TIAM1: variants seen among roughly 807,000 people sequenced by gnomAD.
The protein encoded by TIAM1 is TIAM Rac1 associated GEF 1, also known as rho guanine nucleotide exchange factor TIAM1.
TIAM1 carries 65 observed loss-of-function variants against 163.5 expected under a neutral mutation model. That is an observed-to-expected ratio of 0.40 (90% CI 0.33 to 0.49). The LOEUF (loss-of-function observed/expected upper bound fraction) is 0.49, where lower values mean the gene tolerates loss of function less well. TIAM1 is among the 20% of genes least tolerant of loss of function. TIAM1 has a pLI of 0.77. For synonymous variants in TIAM1, 833 were observed against 810.1 expected (o/e 1.03, Z -0.48); for missense variants, 1,789 against 2,044.7 (o/e 0.87, Z 2.41).
intron 2 of TIAM1, among the ~76,000 whole-genome samples, chr21:31,328,545 T>A (rs2075570078): frequency 6.7e-6 from 1 of 148,152 alleles, no homozygotes. Context: ...TTATTATTAT[T>A]TTTTTTTTTT....
At chr21:31,246,543 C>G (rs188338633) in intron 5 of TIAM1, among the ~76,000 whole-genome samples, 1 of 151,088 alleles carries the variant, frequency 6.6e-6, no homozygotes, top group East Asian at 2.0e-4. Flanking sequence ...ATAAGCTGTC[C>G]GTCCATTTTC....
chr21:31,532,931 G>A (rs902582751), intron 1 of TIAM1, among the ~76,000 whole-genome samples: 4 of 152,176 alleles, frequency 2.6e-5, no homozygotes, highest in Admixed American at 2.6e-4. Context: ...GGGCAACAAA[G>A]AGAAAAAAAT....
chr21:31,226,250 CT>C (rs1444701168), intron 6 of TIAM1, among the ~76,000 whole-genome samples: 1 of 152,200 alleles, frequency 6.6e-6, no homozygotes, highest in Non-Finnish European at 1.5e-5. Flanking sequence ...TAACACACAA[CT>C]TGGTGTCTAC....
chr21:31,220,635 TTTAC>T (rs1265165988), intron 8 of TIAM1, among the ~76,000 whole-genome samples: 1 of 152,234 alleles, frequency 6.6e-6, no homozygotes, highest in African/African-American at 2.4e-5. Flanking sequence ...TAACAAACAC[TTTAC>T]TTAAGTTTCT....
Position 31,164,989 on chromosome 21 carries a change from G to A in TIAM1, c.2964C>T (p.Ser988=), listed in dbSNP as rs1451362641. 1.9e-6 allele frequency: 3 copies of A among 1,614,026 alleles called. No homozygotes were observed. The change falls in exon 16 of 28, where the codon TCC becomes TCT. Residue 988 remains serine, a synonymous_variant. Coordinates refer to ENST00000541036, the MANE Select transcript of TIAM1 (RefSeq NM_001353694.2). ...TGCTGCTGTGATCAGTCTCATCTGA[G>A]GATTCCAAGTCTGGCCCCTCGGTCT... ...PEETEGPDLE[S]SDETDHSSKS...
chr21:31,496,439 C>T (rs997823149), intron 1 of TIAM1, among the ~76,000 whole-genome samples: 5 of 138,730 alleles, frequency 3.6e-5, no homozygotes, highest in Non-Finnish European at 7.6e-5. Context: ...CACTGCACTC[C>T]AGCCTGGGCA....
At chr21:31,496,988 C>T (rs747255986) in intron 1 of TIAM1, among the ~76,000 whole-genome samples, 52 of 152,274 alleles carry the variant, frequency 3.4e-4, no homozygotes, top group Admixed American at 5.9e-4. Context: ...TAAGAGTTCG[C>T]ACTCCTATGA....
At chr21:31,479,379 G>A (rs1602381341) in intron 1 of TIAM1, among the ~76,000 whole-genome samples, 1 of 151,398 alleles carries the variant, frequency 6.6e-6, no homozygotes, top group African/African-American at 2.4e-5. Flanking sequence ...TTGGATGGAT[G>A]GATGGATGGA....
At chr21:31,132,221 G>A (rs945457352) in intron 23 of TIAM1, among the ~76,000 whole-genome samples, 5 of 152,176 alleles carry the variant, frequency 3.3e-5, no homozygotes, top group Admixed American at 1.3e-4. Context: ...TCTATCCTAC[G>A]GAGGGCAGGT....
At chr21:31,450,642 A>C (rs1421948547) in intron 2 of TIAM1, among the ~76,000 whole-genome samples, 1 of 152,184 alleles carries the variant, frequency 6.6e-6, no homozygotes, top group East Asian at 1.9e-4. Flanking sequence ...GACATACCCG[A>C]GACTGAGTAA....
intron 1 of TIAM1, among the ~76,000 whole-genome samples, chr21:31,558,465 G>C (rs1170870943): frequency 1.3e-5 from 2 of 152,256 alleles, no homozygotes; most frequent in East Asian, 3.9e-4. Context: ...GCCCGGAGGT[G>C]CCTAAGTCAG....
chr21:31,165,896 T>C (rs937342002), intron 15 of TIAM1, among the ~76,000 whole-genome samples: 1 of 152,220 alleles, frequency 6.6e-6, no homozygotes, highest in African/African-American at 2.4e-5. Context: ...TTATAATACC[T>C]GCTCTTCCCA....
At chr21:31,330,780 T>G (rs1169037952) in intron 2 of TIAM1, among the ~76,000 whole-genome samples, 1 of 152,188 alleles carries the variant, frequency 6.6e-6, no homozygotes, top group Non-Finnish European at 1.5e-5. Flanking sequence ...CTTAGTGAGT[T>G]AGAGACAAAA....
chr21:31,462,616 C>T (rs942542395), intron 2 of TIAM1, among the ~76,000 whole-genome samples: 2 of 152,290 alleles, frequency 1.3e-5, no homozygotes, highest in South Asian at 2.1e-4. Flanking sequence ...TCTCAAGACA[C>T]GAGGGCCTCT....
At chr21:31,412,402 A>C (rs1270389325) in intron 2 of TIAM1, among the ~76,000 whole-genome samples, 1 of 152,060 alleles carries the variant, frequency 6.6e-6, no homozygotes, top group Non-Finnish European at 1.5e-5. Flanking sequence ...GGTTTCATGG[A>C]AGACAGTTTT....
rs1342011055 is a variant in TIAM1, at chr21:31,182,604, C to T, written c.2704G>A (p.Ala902Thr). 2 of 1,613,160 alleles carry T rather than the reference C, an allele frequency of 1.2e-6. No individual in the cohort carries two copies. Among genetic ancestry groups the T allele is most frequent in the Admixed American group, 3.3e-5 (2 of 59,766 alleles). The change falls in exon 15 of 28, where the codon GCT becomes ACT. Residue 902 changes from alanine to threonine, a missense_variant. By Grantham distance (58) the Ala-to-Thr change is moderately conservative. Around this residue, in one of 5 missense-constraint regions of TIAM1, gnomAD observed 303 missense variants for 321.3 expected, o/e 0.94. Coordinates refer to ENST00000541036, the MANE Select transcript of TIAM1 (RefSeq NM_001353694.2). ...ATAGAAGAGTTCAGGGCGTCAGCAG[C>T]ACGATTATTGATCTCAAGAATCTCA... ...GDEILEINNR[A>T]ADALNSSMLK... is the part of the protein sequence containing the mutation.
chr21:31,464,845 GAA>G (rs35141475), intron 1 of TIAM1, among the ~76,000 whole-genome samples: 42,169 of 99,788 alleles, frequency 0.42, 7,083 homozygotes, highest in Middle Eastern at 0.49. Flanking sequence ...TCCGTCTCGG[GAA>G]AAAAAAAAAA....
At chr21:31,236,093 G>T (rs549437663) in intron 6 of TIAM1, among the ~76,000 whole-genome samples, 1 of 152,322 alleles carries the variant, frequency 6.6e-6, no homozygotes, top group South Asian at 2.1e-4. Flanking sequence ...CTCTCACCCT[G>T]TACCAGCTAT....
chr21:31,320,438 T>C (rs1025039282), intron 2 of TIAM1, among the ~76,000 whole-genome samples: 1 of 152,206 alleles, frequency 6.6e-6, no homozygotes, highest in Non-Finnish European at 1.5e-5. Context: ...AATTTTATTA[T>C]AGATATTTTA....
Sources: allele counts gnomAD v4.1 joint callset (sites outside exome capture counted in the v4.1 genomes callset), GRCh38; gene constraint gnomAD v4.1.1; regional missense constraint gnomAD v4.1.1; transcripts MANE v1.5; gene names NCBI Gene and HGNC (gene_info 2026-07-23, HGNC 2026-07-21).